Variants in NCAM2 observed in about 807,000 individuals in gnomAD.
NCAM2 encodes N-CAM-2.
Under a neutral mutation model 98.1 loss-of-function variants are expected in NCAM2, and 30 were observed. The ratio of observed to expected loss-of-function variants is 0.31; its 90% CI spans 0.23 to 0.41. The LOEUF (loss-of-function observed/expected upper bound fraction) is 0.41, where lower values mean the gene tolerates loss of function less well. NCAM2 is among the 10% of genes least tolerant of loss of function. The pLI is 1.00. For missense variants in NCAM2, 867 were observed against 1,005.8 expected (o/e 0.86, Z 1.87); for synonymous variants, 368 against 342.4 (o/e 1.07, Z -0.83).
intron 8 of NCAM2, among the ~76,000 whole-genome samples, chr21:21,370,926 A>G (rs1478112115): frequency 6.6e-6 from 1 of 151,914 alleles, no homozygotes; most frequent in Non-Finnish European, 1.5e-5. Flanking sequence ...TATTTGTTGA[A>G]TAAATTTTTT....
At chr21:21,340,566 A>G (rs13049479) in intron 8 of NCAM2, among the ~76,000 whole-genome samples, 22,486 of 151,944 alleles carry the variant, frequency 0.15, 2,148 homozygotes, top group Middle Eastern at 0.26. Flanking sequence ...ACAATTATAG[A>G]AACTCAAATA....
chr21:21,253,261 G>A (rs2071538922), intron 1 of NCAM2, among the ~76,000 whole-genome samples: 1 of 152,092 alleles, frequency 6.6e-6, no homozygotes, highest in African/African-American at 2.4e-5. Flanking sequence ...AATGGAAGTG[G>A]GTTCATTTTG....
At chr21:21,154,622 A>T (rs1459425206) in intron 1 of NCAM2, among the ~76,000 whole-genome samples, 2 of 151,876 alleles carry the variant, frequency 1.3e-5, no homozygotes, top group East Asian at 3.9e-4. Flanking sequence ...AGGTACATGG[A>T]AATGCTTTCT....
intron 1 of NCAM2, among the ~76,000 whole-genome samples, chr21:21,258,019 T>A (rs2071742705): frequency 6.6e-6 from 1 of 152,228 alleles, no homozygotes; most frequent in African/African-American, 2.4e-5. Flanking sequence ...TATTTCTATT[T>A]AGTTTCCTAA....
At chr21:21,494,927 A>G (rs1987114020) in intron 15 of NCAM2, among the ~76,000 whole-genome samples, 2 of 151,656 alleles carry the variant, frequency 1.3e-5, no homozygotes, top group African/African-American at 4.8e-5. Flanking sequence ...AAATAAGCAC[A>G]GCTCAGTTTC....
intron 1 of NCAM2, among the ~76,000 whole-genome samples, chr21:21,183,096 G>A (rs948263492): frequency 6.6e-6 from 1 of 152,112 alleles, no homozygotes. Flanking sequence ...ATAAGTAGCC[G>A]TTTTTGAGAA....
At chr21:21,209,173 G>C (rs142570912) in intron 1 of NCAM2, among the ~76,000 whole-genome samples, 114 of 151,288 alleles carry the variant, frequency 7.5e-4, no homozygotes, top group African/African-American at 2.6e-3. Flanking sequence ...CCAGGGTCAG[G>C]AATTTATTGC....
chr21:21,316,604 C>A (rs534299965), intron 5 of NCAM2, among the ~76,000 whole-genome samples: 1 of 130,518 alleles, frequency 7.7e-6, no homozygotes, highest in African/African-American at 2.9e-5. Flanking sequence ...GGTGTGATCT[C>A]GGCTCACTAC....
At chr21:21,314,215 G>T (rs2074147377) in intron 5 of NCAM2, among the ~76,000 whole-genome samples, 1 of 152,158 alleles carries the variant, frequency 6.6e-6, no homozygotes, top group Admixed American at 6.5e-5. Flanking sequence ...AGGTCTGCTG[G>T]TAGAAATTGT....
At chr21:21,102,983 T>C (rs376506367) in intron 1 of NCAM2, among the ~76,000 whole-genome samples, 3 of 152,082 alleles carry the variant, frequency 2.0e-5, no homozygotes, top group African/African-American at 7.2e-5. Context: ...ACCTAATGCA[T>C]GCATTCTTGT....
At chr21:21,020,570 C>T (rs985791500) in intron 1 of NCAM2, among the ~76,000 whole-genome samples, 6 of 152,136 alleles carry the variant, frequency 3.9e-5, no homozygotes, top group African/African-American at 1.2e-4. Flanking sequence ...CAGATGTTTC[C>T]GCAATTCTAA....
chr21:21,258,956 T>C (rs1447104852), intron 1 of NCAM2, among the ~76,000 whole-genome samples: 2 of 152,028 alleles, frequency 1.3e-5, no homozygotes, highest in East Asian at 3.9e-4. Context: ...GTGGCACCAA[T>C]TGCTGAACAG....
rs976298494 is a variant in NCAM2, at chr21:21,541,120, T to A, written c.*3163T>A. 6.7e-6 allele frequency: 1 copy of A among 149,098 alleles called. No individual in the cohort carries two copies. The highest frequency in any genetic ancestry group is 2.0e-4 in the East Asian group (1 of 5,010). 9.2% of individuals were successfully genotyped at this position (149,098 alleles called of 1,614,324 possible). Reference sequence around the variant, plus strand: ...TATTTATATAAATAGATTTTATTAATCAAATTATTTATTTGTGTGCCAACA... The same window carrying A: ...TATTTATATAAATAGATTTTATTAAACAAATTATTTATTTGTGTGCCAACA... On this transcript the variant is annotated 3_prime_UTR_variant, in exon 18 of 18. Transcript: ENST00000400546.
intron 1 of NCAM2, among the ~76,000 whole-genome samples, chr21:21,074,902 G>A (rs184991819): frequency 2.4e-4 from 37 of 152,220 alleles, no homozygotes; most frequent in African/African-American, 8.7e-4. Context: ...GTTTATTACG[G>A]CACTATTCAC....
intron 1 of NCAM2, among the ~76,000 whole-genome samples, chr21:21,177,906 A>G (rs2068347078): frequency 6.6e-6 from 1 of 152,072 alleles, no homozygotes; most frequent in African/African-American, 2.4e-5. Flanking sequence ...TTGCCATGGG[A>G]CAATGTTAAT....
Position 21,234,289 on chromosome 21 carries a change from A to T in NCAM2, c.56-46289A>T, listed in dbSNP as rs186122868. 4.1e-5 allele frequency among the ~76,000 whole-genome samples: 6 copies of T among 147,520 alleles called. 1 individual carries two copies. The highest frequency in any genetic ancestry group is 1.2e-4 in the African/African-American group (5 of 40,424). ...CTTCACTCATGAACTTTAAGTCTAT[A>T]AAAAAAAAAGTAGTAAATAAATGGA... On this transcript the variant is annotated intron_variant, in intron 1 of 17. Coordinates refer to ENST00000400546, the MANE Select transcript of NCAM2 (RefSeq NM_004540.5).
chr21:21,042,918 A>C (rs2064934942), intron 1 of NCAM2, among the ~76,000 whole-genome samples: 2 of 152,246 alleles, frequency 1.3e-5, no homozygotes. Context: ...CAAGGAAAAG[A>C]AAAGAAAATG....
At chr21:21,463,010 G>T (rs1051064737) in intron 12 of NCAM2, among the ~76,000 whole-genome samples, 3 of 152,074 alleles carry the variant, frequency 2.0e-5, no homozygotes, top group Non-Finnish European at 4.4e-5. Flanking sequence ...CCACACTTCA[G>T]TTTAAGGTTC....
chr21:21,230,901 C>G (rs1469333047), intron 1 of NCAM2, among the ~76,000 whole-genome samples: 9 of 151,244 alleles, frequency 6.0e-5, no homozygotes, highest in Non-Finnish European at 1.0e-4. Context: ...TACCTTCTCC[C>G]TGTAGTTGTA....
Sources: gnomAD v4.1 joint callset for allele counts (sites outside exome capture counted in the v4.1 genomes callset) on GRCh38, gnomAD v4.1.1 for gene constraint, MANE v1.5 for transcripts, NCBI Gene and HGNC (gene_info 2026-07-23, HGNC 2026-07-21) for gene names.